SLC2A13: variants seen among roughly 807,000 people sequenced by gnomAD.
SLC2A13 encodes solute carrier family 2 member 13, also known as proton myo-inositol cotransporter.
A neutral mutation model predicts 64.4 loss-of-function variants in SLC2A13; 32 were observed. The ratio of observed to expected loss-of-function variants is 0.50; its 90% CI spans 0.37 to 0.67. The LOEUF (loss-of-function observed/expected upper bound fraction) is 0.67. Ranked by LOEUF, SLC2A13 falls within the 30% of genes least tolerant of loss-of-function variation. The pLI, the probability that SLC2A13 is intolerant of heterozygous loss-of-function variation, is 0.00. For synonymous variants in SLC2A13, 338 were observed against 327.1 expected (o/e 1.03, Z -0.36); for missense variants, 743 against 829.2 (o/e 0.90, Z 1.28).
chr12:39,812,043 A>G (rs113967442), intron 7 of SLC2A13, among the ~76,000 whole-genome samples: 1,740 of 152,332 alleles, frequency 0.011, 37 homozygotes, highest in African/African-American at 0.039. Flanking sequence ...TTAAGCTGCT[A>G]TAACAGAATA....
intron 3 of SLC2A13, among the ~76,000 whole-genome samples, chr12:39,958,188 T>A (rs903707424): frequency 2.0e-5 from 3 of 152,232 alleles, no homozygotes; most frequent in Non-Finnish European, 2.9e-5. Flanking sequence ...AATTAATGTA[T>A]GTATGCCTAA....
chr12:39,960,020 C>T (rs567919085), intron 3 of SLC2A13, among the ~76,000 whole-genome samples: 13 of 152,240 alleles, frequency 8.5e-5, no homozygotes, highest in South Asian at 4.1e-4. Context: ...TTCCCCTCCC[C>T]GTGTCCATAT....
intron 2 of SLC2A13, among the ~76,000 whole-genome samples, chr12:40,033,073 CATG>C (rs1341019040): frequency 6.6e-6 from 1 of 152,166 alleles, no homozygotes; most frequent in Admixed American, 6.5e-5. Context: ...CATTTACTCC[CATG>C]ATTTCACAAC....
At chr12:40,098,091 ATGTG>A (rs1490452910) in intron 1 of SLC2A13, among the ~76,000 whole-genome samples, 30 of 151,664 alleles carry the variant, frequency 2.0e-4, no homozygotes, top group Admixed American at 1.1e-3. Context: ...ATATGCATAT[ATGTG>A]TATTTATTTT....
At chr12:39,861,294 G>A (rs558715975) in intron 6 of SLC2A13, among the ~76,000 whole-genome samples, 2 of 152,244 alleles carry the variant, frequency 1.3e-5, no homozygotes, top group East Asian at 1.9e-4. Context: ...CACTGTTTAA[G>A]GCATTTTCCA....
chr12:39,802,156 C>G (rs893085059), intron 7 of SLC2A13: 2 of 152,148 alleles, frequency 1.3e-5, no homozygotes, highest in African/African-American at 4.8e-5. Context: ...CTGCATATGG[C>G]CTCATGCTTA....
At chr12:39,892,938 T>C (rs974275308) in intron 4 of SLC2A13, among the ~76,000 whole-genome samples, 1 of 152,196 alleles carries the variant, frequency 6.6e-6, no homozygotes, top group Non-Finnish European at 1.5e-5. Context: ...AATCCTGATG[T>C]TTATATTAAT....
At chr12:39,931,680 T>G (rs553342469) in intron 4 of SLC2A13, among the ~76,000 whole-genome samples, 3 of 152,170 alleles carry the variant, frequency 2.0e-5, no homozygotes, top group African/African-American at 4.8e-5. Context: ...TGGAAAATGA[T>G]TCCCAATTTC....
At chr12:39,781,836 C>A (rs893840649) in intron 7 of SLC2A13, among the ~76,000 whole-genome samples, 4 of 152,148 alleles carry the variant, frequency 2.6e-5, no homozygotes, top group Admixed American at 2.6e-4. Flanking sequence ...GGCTCATATA[C>A]GGCCCTCACA....
At chr12:39,790,506 G>T (rs1763332524) in intron 7 of SLC2A13, among the ~76,000 whole-genome samples, 1 of 150,900 alleles carries the variant, frequency 6.6e-6, no homozygotes, top group South Asian at 2.1e-4. Flanking sequence ...TGCTGAGAAT[G>T]ATGGTTTCCA....
At chr12:40,100,993 T>C (rs1481730938) in intron 1 of SLC2A13, among the ~76,000 whole-genome samples, 1 of 112,806 alleles carries the variant, frequency 8.9e-6, no homozygotes, top group Admixed American at 8.5e-5. Flanking sequence ...AAAAAAAAGA[T>C]TAACCCTGTT....
rs1940277082 is a variant in SLC2A13 at position 39,764,448 on chromosome 12, ATAT to A, written c.1720+9_1720+11del. 7 of 1,547,650 alleles carry A rather than the reference ATAT, an allele frequency of 4.5e-6. No homozygotes were observed. The highest frequency in any genetic ancestry group is 6.1e-6 in the Non-Finnish European group (7 of 1,153,676). On this transcript the variant is annotated intron_variant, in intron 9 of 9. Coordinates refer to ENST00000280871, the MANE Select transcript of SLC2A13 (RefSeq NM_052885.4). ...TAAAAACAAAACTATGTTAGAAAAA[ATAT>A]TATCTTACCATAGTATGTAAGATAC...
chr12:39,814,364 T>G (rs1942279558), intron 7 of SLC2A13, among the ~76,000 whole-genome samples: 1 of 152,160 alleles, frequency 6.6e-6, no homozygotes, highest in South Asian at 2.1e-4. Flanking sequence ...GCCTAAACTT[T>G]TTCCAAATAG....
intron 4 of SLC2A13, among the ~76,000 whole-genome samples, chr12:39,897,442 T>A (rs1044760327): frequency 6.6e-6 from 1 of 152,196 alleles, no homozygotes; most frequent in Admixed American, 6.5e-5. Flanking sequence ...TCCACTGCTA[T>A]AAGTAGGATG....
intron 4 of SLC2A13, among the ~76,000 whole-genome samples, chr12:39,940,453 T>C (rs910393731): frequency 6.6e-6 from 1 of 152,058 alleles, no homozygotes; most frequent in Non-Finnish European, 1.5e-5. Flanking sequence ...GGATAGAATA[T>C]GAGAATGGAA....
At chr12:39,829,939 T>C (rs1942806097) in intron 7 of SLC2A13, 164 bp downstream of exon 7, 3 of 873,936 alleles carry the variant, frequency 3.4e-6, no homozygotes, top group Non-Finnish European at 5.3e-6. Context: ...AAACACACAA[T>C]TGCAATGCTT....
At chr12:39,804,520 T>C (rs776800672) in intron 7 of SLC2A13, among the ~76,000 whole-genome samples, 8 of 152,190 alleles carry the variant, frequency 5.3e-5, no homozygotes, top group Non-Finnish European at 4.4e-5. Flanking sequence ...TTAAATAGCT[T>C]TGGTATTCCC....
At chr12:39,916,152 A>G (rs964929646) in intron 4 of SLC2A13, among the ~76,000 whole-genome samples, 1 of 151,868 alleles carries the variant, frequency 6.6e-6, no homozygotes, top group African/African-American at 2.4e-5. Context: ...AAGGGGCAAT[A>G]TTATTAATAA....
At chr12:39,798,163 G>A (rs1941644759) in intron 7 of SLC2A13, among the ~76,000 whole-genome samples, 1 of 152,182 alleles carries the variant, frequency 6.6e-6, no homozygotes, top group Non-Finnish European at 1.5e-5. Context: ...ATTAAGGCCT[G>A]TCGGACAACA....
Sources: gnomAD v4.1 joint callset for allele counts (sites outside exome capture counted in the v4.1 genomes callset) on GRCh38, gnomAD v4.1.1 for gene constraint, MANE v1.5 for transcripts, NCBI Gene and HGNC (gene_info 2026-07-23, HGNC 2026-07-21) for gene names.